Variants in HMCN1 observed in about 807,000 individuals in gnomAD.
The protein encoded by HMCN1 is hemicentin-1.
In HMCN1, 321 loss-of-function variants were observed where a neutral mutation model predicts 625.9. The ratio of observed to expected loss-of-function variants is 0.51; its 90% CI spans 0.47 to 0.56. The LOEUF (loss-of-function observed/expected upper bound fraction) is 0.56, where lower values mean the gene tolerates loss of function less well. HMCN1 is among the 20% of genes least tolerant of loss of function. The pLI is 0.00. For synonymous variants in HMCN1, 2,425 were observed against 2,417.6 expected (o/e 1.00, Z -0.09); for missense variants, 6,588 against 6,887.3 (o/e 0.96, Z 1.54).
intron 47 of HMCN1, 72 bp from the exon 48 acceptor site, chr1:186,062,442 A>G: frequency 2.3e-6 from 2 of 886,568 alleles, no homozygotes; most frequent in Admixed American, 1.8e-5. Context: ...TAATAAAACC[A>G]TACATAAATA....
At chr1:185,918,337 G>A (rs898157111) in intron 6 of HMCN1, among the ~76,000 whole-genome samples, 20 of 152,172 alleles carry the variant, frequency 1.3e-4, no homozygotes, top group African/African-American at 4.6e-4. Context: ...ATGGAAGAAA[G>A]CATCCATCAT....
In HMCN1 at chr1:185,776,219, T is replaced by C. The variant is rs911502455; in HGVS notation, c.268+41172T>C. ...GTAAACTCCAGTTTTCTTAGAGATT[T>C]TTATGAACCTTTAAATTGTCTCTCT... On this transcript the variant is annotated intron_variant, in intron 1 of 106. Coordinates refer to ENST00000271588, the MANE Select transcript of HMCN1 (RefSeq NM_031935.3). 5.9e-5 allele frequency among the ~76,000 whole-genome samples: 9 copies of C among 152,312 alleles called. No individual in the cohort carries two copies. In the South Asian group the frequency reaches 6.2e-4, roughly 11 times the overall value.
intron 12 of HMCN1, among the ~76,000 whole-genome samples, chr1:185,962,969 G>C: frequency 6.6e-6 from 1 of 152,098 alleles, no homozygotes; most frequent in Non-Finnish European, 1.5e-5. Context: ...TTTCTGTGAG[G>C]TAAAATAACA....
intron 14 of HMCN1, among the ~76,000 whole-genome samples, chr1:185,967,135 G>C (rs1650461394): frequency 6.6e-6 from 1 of 152,098 alleles, no homozygotes; most frequent in East Asian, 1.9e-4. Context: ...GTTATAGACA[G>C]TATTTCTTTA....
At chr1:186,156,365 C>G (rs1434373670) in intron 97 of HMCN1, among the ~76,000 whole-genome samples, 1 of 151,934 alleles carries the variant, frequency 6.6e-6, no homozygotes, top group Non-Finnish European at 1.5e-5. Context: ...AGGCAAATAC[C>G]CTCAGTAGAA....
chr1:186,128,978 A>G (rs1309347664), intron 83 of HMCN1, among the ~76,000 whole-genome samples: 2 of 152,046 alleles, frequency 1.3e-5, no homozygotes, highest in Non-Finnish European at 2.9e-5. Context: ...TATTATAAAG[A>G]GTTATGTTAA....
Position 185,925,096 on chromosome 1 carries a change from G to T in HMCN1, c.1335G>T (p.Gln445His). 6.2e-7 allele frequency: 1 copy of T among 1,613,938 alleles called. No individual in the cohort carries two copies. The highest frequency in any genetic ancestry group is 8.5e-7 in the Non-Finnish European group (1 of 1,179,916). The change falls in exon 9 of 107, where the codon CAG (glutamine) becomes CAT (histidine). Residue 445 changes from glutamine (Q) to histidine (H), a missense_variant. Gln to His is a conservative substitution (Grantham distance 24). Around this residue, in one of 3 missense-constraint regions of HMCN1, gnomAD observed 4,628 missense variants for 4,853.1 expected, o/e 0.95. Coordinates refer to ENST00000271588, the MANE Select transcript of HMCN1 (RefSeq NM_031935.3). ...MPEKTPGYYL[Q>H]PGQIPCSVDS... ...AGAAAACCCCAGGATACTATCTGCA[G>T]CCGGGCCAAATTCCCTGCTCTGTTG...
In HMCN1 at chr1:185,922,431, A is replaced by G. The variant is rs1457658031; in HGVS notation, c.953A>G (p.Asp318Gly). 6.2e-7 allele frequency: 1 copy of G among 1,613,710 alleles called. No individual in the cohort carries two copies. Among genetic ancestry groups the G allele is most frequent in the Non-Finnish European group, 8.5e-7 (1 of 1,179,872 alleles). The change falls in exon 7 of 107, where the codon GAT becomes GGT. Residue 318 changes from aspartate (D) to glycine (G), a missense_variant. Transcript: ENST00000271588. Reference sequence around the variant, plus strand: ...CGCATTACTGGCCTCAGTACTATTGATTTCCGAGCTGGCTTTTCTCGAAAG... The same window carrying G: ...CGCATTACTGGCCTCAGTACTATTGGTTTCCGAGCTGGCTTTTCTCGAAAG... The part of the protein sequence containing the change: ...SVRITGLSTI[D>G]FRAGFSRKPT...
intron 13 of HMCN1, among the ~76,000 whole-genome samples, chr1:185,964,784 A>G (rs1650282420): frequency 1.3e-5 from 2 of 152,216 alleles, no homozygotes; most frequent in South Asian, 4.1e-4. Context: ...CTCAGTCTGG[A>G]GGAATGAGTG....
chr1:185,976,415 T>C (rs1016378347), intron 15 of HMCN1, among the ~76,000 whole-genome samples: 1 of 152,168 alleles, frequency 6.6e-6, no homozygotes, highest in African/African-American at 2.4e-5. Context: ...TTCTTTAACC[T>C]ATGCTAAAAA....
chr1:185,829,267 G>C (rs1660706519), intron 1 of HMCN1, among the ~76,000 whole-genome samples: 1 of 151,388 alleles, frequency 6.6e-6, no homozygotes, highest in Admixed American at 6.6e-5. Flanking sequence ...TGTAACCCCA[G>C]TACTTTGTTT....
At chr1:186,173,651 A>AAAAAG (rs1048847888) in intron 102 of HMCN1, among the ~76,000 whole-genome samples, 30 of 151,168 alleles carry the variant, frequency 2.0e-4, no homozygotes, top group African/African-American at 5.8e-4. Context: ...AAAAAAAAAA[A>AAAAAG]AAAAGAAAAA....
At chr1:185,753,777 C>T (rs996089637) in intron 1 of HMCN1, among the ~76,000 whole-genome samples, 2 of 152,120 alleles carry the variant, frequency 1.3e-5, no homozygotes, top group Non-Finnish European at 2.9e-5. Flanking sequence ...AAAGATAAGT[C>T]TTTCTAAGGA....
intron 89 of HMCN1, among the ~76,000 whole-genome samples, chr1:186,141,839 G>A (rs768941271): frequency 2.5e-4 from 38 of 152,142 alleles, no homozygotes; most frequent in Non-Finnish European, 4.6e-4. Context: ...TGGCCTGTAA[G>A]GGCAGAATAG....
At chr1:186,166,114 C>A in intron 98 of HMCN1, 70 bp from the exon 99 acceptor site, 1 of 1,577,402 alleles carries the variant, frequency 6.3e-7, no homozygotes, top group Non-Finnish European at 8.7e-7. Flanking sequence ...GTTATTTTTA[C>A]TGGCTTTAAT....
intron 9 of HMCN1, among the ~76,000 whole-genome samples, chr1:185,925,921 A>C (rs1024214847): frequency 8.5e-5 from 13 of 152,210 alleles, no homozygotes; most frequent in South Asian, 2.1e-4. Context: ...AGAGAAGGTC[A>C]GAGAGGCATG....
intron 38 of HMCN1, among the ~76,000 whole-genome samples, chr1:186,039,306 C>T (rs1054630547): frequency 3.9e-5 from 6 of 151,974 alleles, no homozygotes; most frequent in Non-Finnish European, 5.9e-5. Flanking sequence ...TAGGTATTAA[C>T]GAAATGTTTT....
chr1:186,145,851 C>G lies in HMCN1; in HGVS notation c.14536C>G (p.Pro4846Ala). The change falls in exon 93 of 107, where the codon CCA becomes GCA. Residue 4846 changes from proline (P) to alanine (A), a missense_variant. Physicochemically the swap from Pro to Ala is conservative, Grantham distance 27. Around this residue, in one of 3 missense-constraint regions of HMCN1, gnomAD observed 1,954 missense variants for 2,013.1 expected, o/e 0.97. Transcript: ENST00000271588. ...TRKRLCDHPV[P>A]VKGGRPCPGD... is the part of the protein sequence containing the mutation. The stretch of plus-strand genomic sequence containing the variant: ...GAAGCGGCTGTGCGACCATCCTGTG[C>G]CAGTTAAAGGTGGCCGTCCCTGTCC... 5 of 1,613,934 alleles carry G rather than the reference C, an allele frequency of 3.1e-6. No individual in the cohort carries two copies. The highest frequency in any genetic ancestry group is 4.2e-6 in the Non-Finnish European group (5 of 1,179,950).
Position 185,970,371 on chromosome 1 carries a change from T to C in HMCN1, c.2249T>C (p.Ile750Thr). 17 of 1,613,924 alleles carry C rather than the reference T, an allele frequency of 1.1e-5. 1 individual carries two copies. Among genetic ancestry groups the C allele is most frequent in the Non-Finnish European group, 1.4e-5 (17 of 1,179,796 alleles). Residue 750 changes from isoleucine to threonine, a missense_variant, in exon 15 of 107, where the codon ATT (isoleucine) becomes ACT (threonine). Ile to Thr is a moderately conservative substitution (Grantham distance 89). This residue lies in a region of HMCN1 where 4,628 missense variants were observed against 4,853.1 expected (regional missense o/e 0.95). Transcript: ENST00000271588. ...TTGAGGCCCTCAACATTCCTCATTATTGACCCTCTCTTGGGACTTTTGAAG... is the reference window on the plus strand; with the variant it reads ...TTGAGGCCCTCAACATTCCTCATTACTGACCCTCTCTTGGGACTTTTGAAG... Reference protein sequence around the residue: ...LELRPSTFLIIDPLLGLLKIQ... With the variant: ...LELRPSTFLITDPLLGLLKIQ...
Sources: gnomAD v4.1 joint callset for allele counts (sites outside exome capture counted in the v4.1 genomes callset) on GRCh38, gnomAD v4.1.1 for gene constraint, gnomAD v4.1.1 regional missense constraint, MANE v1.5 for transcripts, NCBI Gene and HGNC (gene_info 2026-07-23, HGNC 2026-07-21) for gene names.